Variants in PRELID2 observed in about 807,000 individuals in gnomAD.
PRELID2 encodes the protein PRELI domain-containing protein 2.
A neutral mutation model predicts 28.4 loss-of-function variants in PRELID2; 25 were observed. The observed-to-expected ratio is 0.88, with a 90% CI of 0.64 to 1.23. PRELID2 has a LOEUF of 1.23. Among genes scored for constraint, PRELID2 ranks in the 50% most tolerant of loss-of-function variants. The pLI, the probability that PRELID2 is intolerant of heterozygous loss-of-function variation, is 0.00. For synonymous variants in PRELID2, 76 were observed against 71.6 expected, an observed-to-expected ratio of 1.06 and a Z score of -0.31; for missense variants, 201 against 214.4, an observed-to-expected ratio of 0.94 and a Z score of 0.39.
intron 1 of PRELID2, among the ~76,000 whole-genome samples, chr5:145,557,885 C>T (rs917684153): frequency 6.6e-6 from 1 of 152,004 alleles, no homozygotes; most frequent in Non-Finnish European, 1.5e-5. Context: ...AAATTTGGGA[C>T]CAAAATGGCT....
the PRELID2 span, among the ~76,000 whole-genome samples, chr5:145,452,089 C>T: frequency 6.0e-4 from 91 of 152,282 alleles, no homozygotes; most frequent in Middle Eastern, 6.8e-3. Flanking sequence ...AACTTGTTCA[C>T]TCTACAGTAC....
chr5:145,805,082 C>A (rs1464393160), intron 4 of PRELID2, among the ~76,000 whole-genome samples: 1 of 152,108 alleles, frequency 6.6e-6, no homozygotes, highest in Non-Finnish European at 1.5e-5. Context: ...TTCTTTATTT[C>A]CTATAGCTAC....
At chr5:145,752,428 C>A (rs1198854470), downstream of PRELID2, among the ~76,000 whole-genome samples, 1 of 152,132 alleles carries the variant, frequency 6.6e-6, no homozygotes, top group South Asian at 2.1e-4. Flanking sequence ...CAATGCGACT[C>A]CAAGATTTTT....
At chr5:145,282,153 A>G in the PRELID2 span, among the ~76,000 whole-genome samples, 2 of 152,198 alleles carry the variant, frequency 1.3e-5, no homozygotes, top group Admixed American at 1.3e-4. Flanking sequence ...AAGTCCACAA[A>G]TGTTAACTAT....
At chr5:145,461,071 A>C in the PRELID2 span, among the ~76,000 whole-genome samples, 3 of 152,178 alleles carry the variant, frequency 2.0e-5, no homozygotes, top group African/African-American at 7.2e-5. Flanking sequence ...TGTGTGTATA[A>C]ATACGAGACA....
chr5:145,796,265 GT>G (rs2149817086), intron 5 of PRELID2, 176 bp downstream of exon 5: 1 of 424,228 alleles, frequency 2.4e-6, no homozygotes, highest in African/African-American at 2.1e-5. Context: ...TGCCACTTTA[GT>G]TTTACTTTGA....
intron 1 of PRELID2, among the ~76,000 whole-genome samples, chr5:145,509,756 T>C (rs775595031): frequency 3.3e-5 from 5 of 152,242 alleles, no homozygotes; most frequent in African/African-American, 4.8e-5. Flanking sequence ...GATGCTGTTT[T>C]CTTCCTTTTA....
At chr5:145,550,059 G>A (rs1042580003) in intron 1 of PRELID2, among the ~76,000 whole-genome samples, 1 of 152,198 alleles carries the variant, frequency 6.6e-6, no homozygotes, top group Non-Finnish European at 1.5e-5. Flanking sequence ...GCAGACCAAT[G>A]GGGTTAGGTG....
the PRELID2 span, among the ~76,000 whole-genome samples, chr5:145,419,364 T>C: frequency 4.7e-5 from 6 of 127,248 alleles, no homozygotes; most frequent in Admixed American, 3.4e-4. Context: ...AAAGTGTTCC[T>C]ATTTCTCCAC....
intron 1 of PRELID2, among the ~76,000 whole-genome samples, chr5:145,678,724 G>C (rs1295904381): frequency 6.6e-6 from 1 of 152,114 alleles, no homozygotes; most frequent in Admixed American, 6.6e-5. Flanking sequence ...CTAAGACCTT[G>C]GGAAACCTTA....
chr5:145,348,007 G>C, the PRELID2 span, among the ~76,000 whole-genome samples: 1 of 152,072 alleles, frequency 6.6e-6, no homozygotes, highest in Non-Finnish European at 1.5e-5. Context: ...AAAAGAACCT[G>C]AACAAGCAGG....
At chr5:145,306,586 T>C in the PRELID2 span, among the ~76,000 whole-genome samples, 1 of 152,114 alleles carries the variant, frequency 6.6e-6, no homozygotes, top group East Asian at 1.9e-4. Flanking sequence ...ATTACTTCTT[T>C]GATGAAAATA....
intron 1 of PRELID2, among the ~76,000 whole-genome samples, chr5:145,690,860 G>A (rs957556481): frequency 1.3e-5 from 2 of 151,778 alleles, no homozygotes; most frequent in African/African-American, 2.4e-5. Context: ...ATGACTTCAC[G>A]CAATAGGAAA....
intron 1 of PRELID2, among the ~76,000 whole-genome samples, chr5:145,662,668 T>C (rs957156649): frequency 6.6e-6 from 1 of 152,024 alleles, no homozygotes; most frequent in Non-Finnish European, 1.5e-5. Context: ...AGGAGGGGAA[T>C]TGGTGGCTTT....
intron 4 of PRELID2, among the ~76,000 whole-genome samples, chr5:145,799,980 G>A (rs1753020459): frequency 6.6e-6 from 1 of 151,952 alleles, no homozygotes; most frequent in Admixed American, 6.6e-5. Flanking sequence ...CAATTTCTTT[G>A]TAATAAAAAA....
chr5:145,437,698 C>T, the PRELID2 span, among the ~76,000 whole-genome samples: 64 of 152,232 alleles, frequency 4.2e-4, no homozygotes, highest in African/African-American at 1.5e-3. Flanking sequence ...GCCTGATGCT[C>T]TCTGGAGTTT....
chr5:145,611,184 T>C (rs1220317725), intron 1 of PRELID2, among the ~76,000 whole-genome samples: 3 of 151,756 alleles, frequency 2.0e-5, no homozygotes, highest in African/African-American at 7.3e-5. Flanking sequence ...TTTTTTTTTA[T>C]ATGGGGTCTT....
chr5:145,774,217 T>C (rs1758271375), intron 5 of PRELID2, among the ~76,000 whole-genome samples: 2 of 152,232 alleles, frequency 1.3e-5, no homozygotes, highest in African/African-American at 4.8e-5. Context: ...GCTCTCACCA[T>C]TTCCAGGTAA....
intron 1 of PRELID2, among the ~76,000 whole-genome samples, chr5:145,741,716 A>T (rs1206009672): frequency 9.1e-6 from 1 of 109,336 alleles, no homozygotes; most frequent in Non-Finnish European, 1.7e-5. Context: ...TTATTTATAT[A>T]TAAATAAAAT....
Sources: gnomAD v4.1 joint callset for allele counts (sites outside exome capture counted in the v4.1 genomes callset) on GRCh38, gnomAD v4.1.1 for gene constraint, MANE v1.5 for transcripts, NCBI Gene and HGNC (gene_info 2026-07-23, HGNC 2026-07-21) for gene names.